CADM3: variants seen among roughly 807,000 people sequenced by gnomAD.
The protein encoded by CADM3 is cell adhesion molecule 3, also known as TSLC1-like 1.
CADM3 carries 11 observed loss-of-function variants against 44.9 expected under a neutral mutation model. The ratio of observed to expected loss-of-function variants is 0.25; its 90% CI spans 0.15 to 0.41. The LOEUF (loss-of-function observed/expected upper bound fraction) is 0.41, where lower values mean the gene tolerates loss of function less well. Ranked by LOEUF, CADM3 falls within the 10% of genes least tolerant of loss-of-function variation. CADM3 has a pLI of 1.00. For missense variants in CADM3, 426 were observed against 512.0 expected (o/e 0.83, Z 1.62); for synonymous variants, 207 against 205.2 (o/e 1.01, Z -0.08).
At chr1:159,194,274 C>T (rs927267467) in intron 5 of CADM3, 3 of 452,454 alleles carry the variant, frequency 6.6e-6, no homozygotes, top group African/African-American at 5.9e-5. Flanking sequence ...CTTAATTCTC[C>T]GTTGTTGTAG....
chr1:159,200,493 T>TAC (rs138169348), intron 8 of CADM3, among the ~76,000 whole-genome samples: 6 of 148,620 alleles, frequency 4.0e-5, no homozygotes, highest in Non-Finnish European at 7.4e-5. Context: ...CACGCATGCA[T>TAC]ACACACACAC....
intron 7 of CADM3, chr1:159,198,190 C>G (rs1189039169): frequency 6.6e-6 from 1 of 152,196 alleles, no homozygotes; most frequent in Non-Finnish European, 1.5e-5. Context: ...GCTACTGCAT[C>G]TTCTTCCAGG....
intron 1 of CADM3, among the ~76,000 whole-genome samples, chr1:159,176,745 G>A (rs886481452): frequency 2.6e-5 from 4 of 152,176 alleles, no homozygotes; most frequent in African/African-American, 9.7e-5. Flanking sequence ...GCATGAATCT[G>A]TTGAGATTTT....
chr1:159,183,568 A>G (rs890616960), intron 1 of CADM3, among the ~76,000 whole-genome samples: 2 of 152,294 alleles, frequency 1.3e-5, no homozygotes, highest in East Asian at 3.9e-4. Flanking sequence ...TGAAGTTCCA[A>G]AGTGGATGTG....
At chr1:159,199,679 A>C in intron 7 of CADM3, 72 bp from the exon 8 acceptor site, 1 of 1,607,416 alleles carries the variant, frequency 6.2e-7, no homozygotes, top group Non-Finnish European at 8.5e-7. Flanking sequence ...AAGACTATTC[A>C]TGGCCAAGTT....
intron 1 of CADM3, chr1:159,189,980 C>A: frequency 2.8e-6 from 2 of 717,974 alleles, no homozygotes; most frequent in Admixed American, 2.8e-5. Context: ...CCTCTCATTA[C>A]CACACAGCAC....
chr1:159,174,217 A>G (rs3026954), intron 1 of CADM3, among the ~76,000 whole-genome samples: 2,130 of 152,328 alleles, frequency 0.014, 132 homozygotes, highest in Admixed American at 0.12. Context: ...CATAACCACC[A>G]TATCTTCTGT....
chr1:159,182,225 T>C (rs1450752408), intron 1 of CADM3, among the ~76,000 whole-genome samples: 1 of 152,208 alleles, frequency 6.6e-6, no homozygotes, highest in Non-Finnish European at 1.5e-5. Context: ...GAAGATGCCA[T>C]CCGCCCCATC....
chr1:159,173,637 T>G (rs1648909662), intron 1 of CADM3, among the ~76,000 whole-genome samples: 1 of 152,148 alleles, frequency 6.6e-6, no homozygotes, highest in African/African-American at 2.4e-5. Context: ...GTGTTTGTGC[T>G]TCATTAATGA....
intron 1 of CADM3, among the ~76,000 whole-genome samples, chr1:159,188,477 C>T (rs548889482): frequency 2.0e-5 from 3 of 152,180 alleles, no homozygotes; most frequent in South Asian, 2.1e-4. Flanking sequence ...TCGGTCCTAG[C>T]GCCCCTTTCT....
At chr1:159,192,512 G>C in intron 2 of CADM3, 66 bp from the exon 3 acceptor site, 1 of 1,601,834 alleles carries the variant, frequency 6.2e-7, no homozygotes, top group Non-Finnish European at 8.5e-7. Flanking sequence ...AGCTGGCCTG[G>C]GATTGGAAGG....
intron 1 of CADM3, among the ~76,000 whole-genome samples, chr1:159,184,629 T>C (rs948155057): frequency 2.0e-5 from 3 of 152,230 alleles, no homozygotes; most frequent in East Asian, 1.9e-4. Context: ...CAATATGTTA[T>C]AGGTCCCCAA....
In CADM3 at chr1:159,200,836, G is replaced by C. The variant is rs761281047; in HGVS notation, c.1111G>C (p.Asp371His). 3.1e-6 allele frequency: 5 copies of C among 1,609,262 alleles called. No homozygotes were observed. Among genetic ancestry groups the C allele is most frequent in the Non-Finnish European group, 4.2e-6 (5 of 1,177,594 alleles). The change falls in exon 9 of 9, where the codon GAC (aspartate) becomes CAC (histidine). Residue 371 changes from aspartate (D) to histidine (H), a missense_variant. Physicochemically the swap from Asp to His is moderately conservative, Grantham distance 81. Transcript: ENST00000368125. ...CCTGACACATGAGGCAAAAGGCTCC[G>C]ACGATGCTCCAGACGCGGACACGGC... ...TYLTHEAKGSDDAPDADTAII... is the reference protein window; with the variant it reads ...TYLTHEAKGSHDAPDADTAII...
At chr1:159,196,833 TC>T (rs1174205307) in intron 6 of CADM3, 57 bp from the exon 7 acceptor site, 5 of 1,501,160 alleles carry the variant, frequency 3.3e-6, no homozygotes, top group African/African-American at 2.8e-5. Context: ...TTTTTTTTTT[TC>T]TTTTAGCTCC....
rs1033230812 is a variant in CADM3, at chr1:159,172,438, C to G, written c.88+585C>G. ...GCCTGGGTGAGGCTGCTGAAGGGGGCGTGGGCAAAGAAGAGGGCCCTTATC... is the reference window on the plus strand; with the variant it reads ...GCCTGGGTGAGGCTGCTGAAGGGGGGGTGGGCAAAGAAGAGGGCCCTTATC... On this transcript the variant is annotated intron_variant, in intron 1 of 8. Coordinates refer to ENST00000368125, the MANE Select transcript of CADM3 (RefSeq NM_001127173.3). Among the ~76,000 whole-genome samples the G allele has an allele frequency of 5.3e-5, 8 of 151,872 alleles. No homozygotes were observed. The East Asian group carries it at 1.6e-3, about 29-fold the overall frequency.
intron 1 of CADM3, among the ~76,000 whole-genome samples, chr1:159,189,555 C>T (rs1373460804): frequency 6.6e-6 from 1 of 152,212 alleles, no homozygotes; most frequent in African/African-American, 2.4e-5. Flanking sequence ...TTAGCATCCT[C>T]CTTTAATTCA....
At chr1:159,193,652 T>G in intron 4 of CADM3, 92 bp downstream of exon 4, 1 of 1,566,658 alleles carries the variant, frequency 6.4e-7, no homozygotes, top group Non-Finnish European at 8.8e-7. Context: ...AGGCATGGTA[T>G]GGAAGAGAAA....
rs890179918 is a variant in CADM3, at chr1:159,200,978, G to A, written c.*56G>A. The A allele has an allele frequency of 1.9e-5, 25 of 1,343,838 alleles. No homozygotes were observed. The highest frequency in any genetic ancestry group is 4.4e-5 in the African/African-American group (3 of 67,602). The allele number at this position is 1,343,838 out of a possible 1,614,324, so 83.2% of individuals were successfully genotyped here. A position where few individuals can be genotyped will look rare whatever the true frequency, so the allele number is the denominator to read the frequency against. On this transcript the variant is annotated 3_prime_UTR_variant, in exon 9 of 9. Coordinates refer to ENST00000368125, the MANE Select transcript of CADM3 (RefSeq NM_001127173.3). ...GGGCCCTGTGGGGACTGCTGGGGCC[G>A]TCACCAACCCGGACTTGTACAGAGC...
chr1:159,182,488 C>G (rs921520986), intron 1 of CADM3, among the ~76,000 whole-genome samples: 1 of 152,204 alleles, frequency 6.6e-6, no homozygotes, highest in Admixed American at 6.5e-5. Context: ...TGACCATGCT[C>G]AAGTTCCTAA....
Sources: gnomAD v4.1 joint callset for allele counts (sites outside exome capture counted in the v4.1 genomes callset) on GRCh38, gnomAD v4.1.1 for gene constraint, MANE v1.5 for transcripts, NCBI Gene and HGNC (gene_info 2026-07-23, HGNC 2026-07-21) for gene names.